CACNA2D1: variants seen among roughly 807,000 people sequenced by gnomAD.
The protein encoded by CACNA2D1 is calcium voltage-gated channel auxiliary subunit alpha2delta 1.
In CACNA2D1, 53 loss-of-function variants were observed where a neutral mutation model predicts 171.5. The observed-to-expected ratio is 0.31, with a 90% CI of 0.25 to 0.39. The LOEUF is 0.39. CACNA2D1 is among the 10% of genes least tolerant of loss of function. CACNA2D1 has a pLI of 1.00. For synonymous variants in CACNA2D1, 442 were observed against 443.1 expected (o/e 1.00, Z 0.03); for missense variants, 903 against 1,299.8 (o/e 0.69, Z 4.69).
chr7:82,109,289 T>A (rs534474108), intron 6 of CACNA2D1, among the ~76,000 whole-genome samples: 2 of 152,162 alleles, frequency 1.3e-5, no homozygotes, highest in African/African-American at 4.8e-5. Context: ...AAGGTCCTAC[T>A]GATGAAAACT....
chr7:82,137,850 A>T (rs1791852823), intron 4 of CACNA2D1, among the ~76,000 whole-genome samples: 1 of 149,924 alleles, frequency 6.7e-6, no homozygotes, highest in African/African-American at 2.4e-5. Flanking sequence ...ACAGAGCGAG[A>T]CTCCGCCTCA....
chr7:82,342,049 G>A (rs1239581461), intron 2 of CACNA2D1, among the ~76,000 whole-genome samples: 4 of 71,274 alleles, frequency 5.6e-5, no homozygotes, highest in Admixed American at 4.7e-4. Flanking sequence ...GCGAGACTCC[G>A]TCTCAAAAAA....
chr7:82,342,729 A>T (rs1040641353), intron 2 of CACNA2D1, among the ~76,000 whole-genome samples: 3 of 152,198 alleles, frequency 2.0e-5, no homozygotes, highest in African/African-American at 7.2e-5. Flanking sequence ...ATGAAACTAC[A>T]GCCACGTTTT....
At chr7:82,072,096 T>C (rs1009905429) in intron 7 of CACNA2D1, among the ~76,000 whole-genome samples, 2 of 152,162 alleles carry the variant, frequency 1.3e-5, no homozygotes, top group Non-Finnish European at 2.9e-5. Context: ...TATTAAGTAA[T>C]TGAATCAGTA....
chr7:82,040,048 T>C (rs886550638), intron 10 of CACNA2D1, among the ~76,000 whole-genome samples: 3 of 152,186 alleles, frequency 2.0e-5, no homozygotes, highest in Non-Finnish European at 2.9e-5. Context: ...GAAAATGGAC[T>C]TGAGATGAGC....
chr7:82,064,236 C>T, intron 9 of CACNA2D1, 68 bp downstream of exon 9: 1 of 1,072,458 alleles, frequency 9.3e-7, no homozygotes, highest in East Asian at 2.4e-5. Context: ...TTAGTCCCAC[C>T]ATACTACTGT....
At chr7:81,962,579 C>G in intron 34 of CACNA2D1, 84 bp from the exon 35 acceptor site, 1 of 808,552 alleles carries the variant, frequency 1.2e-6, no homozygotes, top group Non-Finnish European at 2.1e-6. Flanking sequence ...ATACTGTTTC[C>G]CTTTATCTTT....
chr7:82,442,920 G>A (rs1289418810), intron 1 of CACNA2D1, among the ~76,000 whole-genome samples: 2 of 152,192 alleles, frequency 1.3e-5, no homozygotes, highest in Non-Finnish European at 2.9e-5. Context: ...GGCCAAGTGC[G>A]GGGGAAGTCC....
intron 21 of CACNA2D1, among the ~76,000 whole-genome samples, chr7:81,986,865 A>G (rs1012259885): frequency 3.3e-5 from 5 of 152,340 alleles, no homozygotes; most frequent in African/African-American, 1.2e-4. Flanking sequence ...TACAAAATGT[A>G]CAGCAGAATT....
chr7:82,352,459 T>C (rs1819955995), intron 1 of CACNA2D1, among the ~76,000 whole-genome samples: 1 of 152,146 alleles, frequency 6.6e-6, no homozygotes, highest in Non-Finnish European at 1.5e-5. Flanking sequence ...TGGGGGAAAT[T>C]ACAGAGGATA....
At position 82,099,268 on chromosome 7, in the gene CACNA2D1, C is replaced by G. The variant is rs148564998; in HGVS notation, c.527-14368G>C. On this transcript the variant is annotated intron_variant, in intron 6 of 38. Transcript: ENST00000356860. ...ATATTCATTTTACTGAGACATCAGT[C>G]TTCAATTTTTCCCTTCCATTCACTA... Among the ~76,000 whole-genome samples, 662 of 152,186 alleles carry G rather than the reference C, an allele frequency of 4.3e-3. 4 individuals are homozygous for G. The highest frequency in any genetic ancestry group is 0.015 in the East Asian group (76 of 5,178).
intron 1 of CACNA2D1, among the ~76,000 whole-genome samples, chr7:82,356,456 C>T (rs1332900457): frequency 2.6e-5 from 4 of 152,072 alleles, no homozygotes; most frequent in Non-Finnish European, 5.9e-5. Context: ...AAAATATTCT[C>T]GTCTCTCCAC....
chr7:81,979,206 G>C (rs1251401968), intron 24 of CACNA2D1, among the ~76,000 whole-genome samples: 2 of 151,888 alleles, frequency 1.3e-5, no homozygotes, highest in Non-Finnish European at 2.9e-5. Flanking sequence ...TAACATTTAA[G>C]GTTACAGATT....
chr7:82,116,893 A>T, intron 6 of CACNA2D1, 151 bp downstream of exon 6: 1 of 856,430 alleles, frequency 1.2e-6, no homozygotes. Context: ...AATCAGATTG[A>T]TTCTTTCACA....
intron 10 of CACNA2D1, among the ~76,000 whole-genome samples, chr7:82,054,188 C>G (rs1318299912): frequency 6.6e-6 from 1 of 152,136 alleles, no homozygotes; most frequent in East Asian, 1.9e-4. Context: ...AAAATTCATT[C>G]AAAGCTTGCT....
At chr7:82,151,583 A>C (rs1254214526) in intron 4 of CACNA2D1, among the ~76,000 whole-genome samples, 2 of 152,124 alleles carry the variant, frequency 1.3e-5, no homozygotes, top group Non-Finnish European at 2.9e-5. Context: ...ATTGAGGTAA[A>C]AAGAAGATAA....
chr7:81,970,843 TATATC>T, intron 26 of CACNA2D1, 106 bp from the exon 27 acceptor site: 5 of 755,828 alleles, frequency 6.6e-6, no homozygotes, highest in Middle Eastern at 2.4e-4. Flanking sequence ...GTAAAGGAAA[TATATC>T]AATAGATACA....
intron 1 of CACNA2D1, among the ~76,000 whole-genome samples, chr7:82,358,882 C>T (rs1451975700): frequency 1.3e-5 from 2 of 151,616 alleles, no homozygotes; most frequent in African/African-American, 4.8e-5. Context: ...TATTTTTTTT[C>T]ATCTTTTCTT....
chr7:82,041,997 G>T (rs1804014450), intron 10 of CACNA2D1, among the ~76,000 whole-genome samples: 1 of 152,128 alleles, frequency 6.6e-6, no homozygotes, highest in South Asian at 2.1e-4. Context: ...GAAAAGTGAA[G>T]CATCTCATTA....
Sources: allele counts gnomAD v4.1 joint callset (sites outside exome capture counted in the v4.1 genomes callset), GRCh38; gene constraint gnomAD v4.1.1; transcripts MANE v1.5; gene names NCBI Gene and HGNC (gene_info 2026-07-23, HGNC 2026-07-21).